AP3D1: variants seen among roughly 807,000 people sequenced by gnomAD.
AP3D1 encodes adaptor related protein complex 3 subunit delta 1, also known as AP-3 complex subunit delta-1.
In AP3D1, 51 loss-of-function variants were observed where a neutral mutation model predicts 147.6. The observed-to-expected ratio is 0.35, with a 90% CI of 0.28 to 0.44. The LOEUF is 0.44. Among genes scored for constraint, AP3D1 ranks in the 20% least tolerant of loss-of-function variants. The pLI, the probability that AP3D1 is intolerant of heterozygous loss-of-function variation, is 1.00. For missense variants in AP3D1, 1,421 were observed against 1,624.2 expected (o/e 0.87, Z 2.15); for synonymous variants, 760 against 663.0 (o/e 1.15, Z -2.25).
At chr19:2,161,817 T>C (rs2019700913) in intron 1 of AP3D1, among the ~76,000 whole-genome samples, 1 of 151,734 alleles carries the variant, frequency 6.6e-6, no homozygotes, top group Non-Finnish European at 1.5e-5. Context: ...GGCACAATAG[T>C]GGGCACTTAG....
intron 11 of AP3D1, among the ~76,000 whole-genome samples, chr19:2,122,822 C>CA (rs2018648404): frequency 6.6e-6 from 1 of 152,166 alleles, no homozygotes; most frequent in Non-Finnish European, 1.5e-5. Flanking sequence ...CTGCTCTCAA[C>CA]AAAAAGACCT....
At chr19:2,130,315 C>A in intron 6 of AP3D1, 93 bp downstream of exon 6, 2 of 1,559,778 alleles carry the variant, frequency 1.3e-6, no homozygotes, top group Non-Finnish European at 1.7e-6. Flanking sequence ...TCACCACTCC[C>A]CGCAGCACCC....
chr19:2,143,341 T>C (rs1366383248), intron 1 of AP3D1, among the ~76,000 whole-genome samples: 4 of 145,736 alleles, frequency 2.7e-5, no homozygotes, highest in South Asian at 2.2e-4. Context: ...CCTGGGTTCA[T>C]GCCATTCTCC....
At chr19:2,129,805 G>A (rs1442131404) in intron 6 of AP3D1, among the ~76,000 whole-genome samples, 1 of 152,240 alleles carries the variant, frequency 6.6e-6, no homozygotes, top group Non-Finnish European at 1.5e-5. Context: ...TCGGGGCTCA[G>A]GGAGTCTTCC....
chr19:2,162,007 C>G (rs1023688855), intron 1 of AP3D1, among the ~76,000 whole-genome samples: 3 of 150,472 alleles, frequency 2.0e-5, no homozygotes, highest in African/African-American at 7.3e-5. Context: ...CCGCATCTTT[C>G]CAACAACAAA....
chr19:2,102,444 A>T (rs1057164242), intron 31 of AP3D1, among the ~76,000 whole-genome samples, 176 bp from the exon 32 acceptor site: 3 of 152,050 alleles, frequency 2.0e-5, no homozygotes, highest in Non-Finnish European at 4.4e-5. Context: ...AAATACAAAA[A>T]ATGGCCGGGT....
At chr19:2,123,514 C>T in intron 10 of AP3D1, 108 bp from the exon 11 acceptor site, 2 of 1,147,554 alleles carry the variant, frequency 1.7e-6, no homozygotes, top group Non-Finnish European at 2.5e-6. Flanking sequence ...CGGCGTCAGC[C>T]CCACCCACCA....
intron 1 of AP3D1, among the ~76,000 whole-genome samples, chr19:2,138,985 G>A (rs767847296): frequency 6.7e-6 from 1 of 148,818 alleles, no homozygotes; most frequent in African/African-American, 2.5e-5. Flanking sequence ...GTTTAAACCT[G>A]GGAGGCAGAG....
intron 1 of AP3D1, among the ~76,000 whole-genome samples, chr19:2,163,674 G>C (rs538784332): frequency 6.6e-6 from 1 of 152,048 alleles, no homozygotes; most frequent in South Asian, 2.1e-4. Flanking sequence ...CCCGCTATCC[G>C]ACGGGCCCGC....
intron 10 of AP3D1, 63 bp downstream of exon 10, chr19:2,123,767 C>G: frequency 1.3e-6 from 2 of 1,537,856 alleles, no homozygotes. Context: ...AAGCTCCCGC[C>G]TGTGGAAAGG....
intron 14 of AP3D1, 24 bp from the exon 15 acceptor site, chr19:2,118,856 C>G (rs141098833): frequency 6.3e-7 from 1 of 1,599,518 alleles, no homozygotes; most frequent in Non-Finnish European, 8.5e-7. Context: ...ACACTGTGAG[C>G]CCCCAGGATG....
intron 3 of AP3D1, 59 bp downstream of exon 3, chr19:2,137,668 G>A (rs552072561): frequency 1.9e-4 from 266 of 1,436,528 alleles, no homozygotes; most frequent in East Asian, 8.2e-4. Flanking sequence ...GGCCAGTCAC[G>A]GTGCCTCACA....
Position 2,137,050 on chromosome 19 carries a change from G to C in AP3D1, c.315C>G (p.Gly105=). ...YLAASQSFHE[G]TDVIMLTTNQ... Reference sequence around the variant, plus strand: ...TGGTGGTCAGCATGATGACGTCGGTGCCTTCGTGAAAGCTCTGGGAAGCAG... The same window carrying C: ...TGGTGGTCAGCATGATGACGTCGGTCCCTTCGTGAAAGCTCTGGGAAGCAG... Residue 105 remains glycine (G), a synonymous_variant, in exon 4 of 32, where the codon GGC becomes GGG. Coordinates refer to ENST00000643116, the MANE Select transcript of AP3D1 (RefSeq NM_001261826.3). 1 of 1,596,722 alleles carries C rather than the reference G, an allele frequency of 6.3e-7. No individual in the cohort carries two copies. The highest frequency in any genetic ancestry group is 8.5e-7 in the Non-Finnish European group (1 of 1,171,884).
intron 29 of AP3D1, 166 bp from the exon 30 acceptor site, chr19:2,109,373 G>A (rs865848328): frequency 2.8e-5 from 25 of 904,468 alleles, no homozygotes; most frequent in Middle Eastern, 7.1e-4. Context: ...TTTCATGTGC[G>A]GAAGCCGTCA....
intron 11 of AP3D1, among the ~76,000 whole-genome samples, chr19:2,123,114 G>C (rs2018655759): frequency 6.6e-6 from 1 of 152,260 alleles, no homozygotes; most frequent in Admixed American, 6.5e-5. Context: ...CATGCCCCCT[G>C]CATCTCCCCT....
chr19:2,138,950 C>T (rs1481533232), intron 1 of AP3D1, among the ~76,000 whole-genome samples: 2 of 149,524 alleles, frequency 1.3e-5, no homozygotes, highest in African/African-American at 4.9e-5. Context: ...ATCCCAGCTA[C>T]TCAGGAGGCT....
intron 8 of AP3D1, among the ~76,000 whole-genome samples, chr19:2,128,506 C>T (rs1209236952): frequency 5.5e-5 from 7 of 126,414 alleles, no homozygotes; most frequent in East Asian, 2.7e-4. Context: ...GGAGCCGGCC[C>T]GCCCCACAGC....
rs757354233 is a variant in AP3D1, at chr19:2,114,249, G to A, written c.2477C>T (p.Thr826Ile). Residue 826 changes from threonine (T) to isoleucine (I), a missense_variant, in exon 22 of 32, where the codon ACC (threonine) becomes ATC (isoleucine). This residue lies in a region of AP3D1 where 791 missense variants were observed against 761.4 expected (regional missense o/e 1.04). Transcript: ENST00000643116. Reference sequence around the variant, plus strand: ...AACGTCCTTCTCAGGGGATTTTGAGGTCTCGGTGTTTCTGTGTTTCTGAAT... The same window carrying A: ...AACGTCCTTCTCAGGGGATTTTGAGATCTCGGTGTTTCTGTGTTTCTGAAT... Reference protein sequence around the residue: ...LPIQKHRNTETSKSPEKDVPM... With the variant: ...LPIQKHRNTEISKSPEKDVPM... 4 of 1,613,386 alleles carry A rather than the reference G, an allele frequency of 2.5e-6. No individual in the cohort carries two copies. Among genetic ancestry groups the A allele is most frequent in the East Asian group, 2.2e-5 (1 of 44,850 alleles).
intron 24 of AP3D1, chr19:2,112,036 GCAAGCGC>G (rs2018297004): frequency 4.0e-6 from 3 of 753,566 alleles, no homozygotes; most frequent in Non-Finnish European, 4.2e-6. Flanking sequence ...CTGGTTGGCG[GCAAGCGC>G]CAAAGCAGCC....
Sources: allele counts gnomAD v4.1 joint callset (sites outside exome capture counted in the v4.1 genomes callset), GRCh38; gene constraint gnomAD v4.1.1; regional missense constraint gnomAD v4.1.1; transcripts MANE v1.5; gene names NCBI Gene and HGNC (gene_info 2026-07-23, HGNC 2026-07-21).